WAC: variants seen among roughly 807,000 people sequenced by gnomAD.
WAC encodes the protein WW domain containing adaptor with coiled-coil, also known as WW domain-containing adapter protein with coiled-coil.
A neutral mutation model predicts 79.6 loss-of-function variants in WAC; 11 were observed. That is an observed-to-expected ratio of 0.14 (90% confidence interval 0.09 to 0.23). WAC has a LOEUF of 0.23. Among genes scored for constraint, WAC ranks in the 10% least tolerant of loss-of-function variants. The pLI, the probability that WAC is intolerant of heterozygous loss-of-function variation, is 1.00. For missense variants in WAC, 728 were observed against 773.5 expected (o/e 0.94, Z 0.70); for synonymous variants, 304 against 276.9 (o/e 1.10, Z -0.97).
intron 4 of WAC, 72 bp from the exon 5 acceptor site, chr10:28,589,664 T>G: frequency 1.0e-6 from 1 of 992,660 alleles, no homozygotes; most frequent in Non-Finnish European, 1.5e-6. Flanking sequence ...GTATGTGTGC[T>G]TTGATGTTGT....
chr10:28,540,446 A>G (rs746366654), intron 3 of WAC, among the ~76,000 whole-genome samples: 1 of 152,182 alleles, frequency 6.6e-6, no homozygotes, highest in Non-Finnish European at 1.5e-5. Flanking sequence ...AGTGGTTACA[A>G]CTTGCCAAAT....
intron 7 of WAC, among the ~76,000 whole-genome samples, chr10:28,599,087 A>AT (rs34344340): frequency 3.3e-5 from 5 of 151,952 alleles, no homozygotes; most frequent in Admixed American, 1.3e-4. Context: ...CATTTGACAT[A>AT]TTTTTTTTCT....
intron 6 of WAC, among the ~76,000 whole-genome samples, chr10:28,592,927 A>G (rs1840171349): frequency 1.3e-5 from 2 of 152,160 alleles, no homozygotes; most frequent in South Asian, 4.1e-4. Context: ...TGCAGTTGTT[A>G]TATTGATTGC....
chr10:28,575,268 T>C (rs1839183637), intron 3 of WAC, among the ~76,000 whole-genome samples: 1 of 152,202 alleles, frequency 6.6e-6, no homozygotes, highest in Admixed American at 6.5e-5. Flanking sequence ...TTTCCTCCCC[T>C]TCTAGTAGTC....
At chr10:28,593,538 C>T (rs113754983) in intron 6 of WAC, among the ~76,000 whole-genome samples, 2 of 151,878 alleles carry the variant, frequency 1.3e-5, no homozygotes, top group African/African-American at 2.4e-5. Context: ...GAGGCCGAGA[C>T]GGGTGGATCA....
intron 4 of WAC, among the ~76,000 whole-genome samples, chr10:28,585,953 T>C (rs550117146): frequency 1.3e-5 from 2 of 152,316 alleles, no homozygotes; most frequent in Admixed American, 1.3e-4. Context: ...GTCAGGGAAC[T>C]TAATTATGTG....
intron 3 of WAC, among the ~76,000 whole-genome samples, chr10:28,562,542 AGAT>A (rs1392383580): frequency 6.6e-6 from 1 of 152,164 alleles, no homozygotes; most frequent in Non-Finnish European, 1.5e-5. Context: ...TGCACATAGG[AGAT>A]GCTGAATGAT....
intron 6 of WAC, 127 bp downstream of exon 6, chr10:28,590,959 G>C: frequency 2.4e-6 from 2 of 831,102 alleles, no homozygotes. Flanking sequence ...ATTCTTTTAT[G>C]TTGGATTTAT....
At position 28,608,291 on chromosome 10, in the gene WAC, C is replaced by T. The variant is rs201670516; in HGVS notation, c.1025C>T (p.Ala342Val). The T allele has an allele frequency of 1.4e-5, 22 of 1,614,100 alleles. No homozygotes were observed. The highest frequency in any genetic ancestry group is 6.7e-5 in the East Asian group (3 of 44,898). The change falls in exon 8 of 14, where the codon GCG becomes GTG. Residue 342 changes from alanine (A) to valine (V), a missense_variant. Ala to Val is a moderately conservative substitution (Grantham distance 64). Coordinates refer to ENST00000354911, the MANE Select transcript of WAC (RefSeq NM_016628.5). ...TCTGCACCTCCAACATCTGCTTCAG[C>T]GGTCCCTGTTTCTCCTGTTCCACAG... is the stretch of plus-strand genomic sequence containing the variant. ...PTSAPPTSAS[A>V]VPVSPVPQSP...
chr10:28,538,098 C>G (rs1033923839), intron 3 of WAC, among the ~76,000 whole-genome samples: 1 of 152,066 alleles, frequency 6.6e-6, no homozygotes, highest in Non-Finnish European at 1.5e-5. Flanking sequence ...GAGAGTACAT[C>G]TTTGATATTC....
intron 3 of WAC, among the ~76,000 whole-genome samples, chr10:28,563,369 A>G (rs1215103396): frequency 6.6e-6 from 1 of 152,216 alleles, no homozygotes; most frequent in East Asian, 1.9e-4. Flanking sequence ...AGGAAAAACA[A>G]AAGAGTTAAT....
intron 3 of WAC, among the ~76,000 whole-genome samples, chr10:28,560,299 T>G (rs751664773): frequency 5.3e-5 from 8 of 151,800 alleles, no homozygotes; most frequent in Non-Finnish European, 1.2e-4. Context: ...GACTAGGAGG[T>G]CTAGCGAGCC....
At chr10:28,545,228 A>G (rs899828220) in intron 3 of WAC, among the ~76,000 whole-genome samples, 1 of 152,128 alleles carries the variant, frequency 6.6e-6, no homozygotes, top group Non-Finnish European at 1.5e-5. Flanking sequence ...ACAGTGGGTC[A>G]TGCACGTAAT....
intron 3 of WAC, among the ~76,000 whole-genome samples, chr10:28,547,915 C>CTTTTTTTTTTTTTTTTTTTTTTTTTTTT (rs11408560): frequency 7.6e-6 from 1 of 132,328 alleles, no homozygotes; most frequent in African/African-American, 2.8e-5. Context: ...TTCTCTTTTT[C>CTTTTTTTTTTTTTTTTTTTTTTTTTTTT]TTTTTTTTTT....
In WAC at chr10:28,566,628, G is replaced by A. The variant is rs140530695; in HGVS notation, c.275-16771G>A. Among the ~76,000 whole-genome samples the A allele has an allele frequency of 6.3e-3, 955 of 152,262 alleles. 4 individuals carry two copies. Among genetic ancestry groups the A allele is most frequent in the Non-Finnish European group, 0.011 (765 of 68,026 alleles). ...TACTCATGAATGACATCTTAGATTG[G>A]AAAATAATTTTCTGGGTCACATCCA... On this transcript the variant is annotated intron_variant, in intron 3 of 13. Transcript: ENST00000354911.
At chr10:28,601,499 C>T (rs1417207164) in intron 7 of WAC, among the ~76,000 whole-genome samples, 4 of 152,014 alleles carry the variant, frequency 2.6e-5, no homozygotes, top group South Asian at 2.1e-4. Flanking sequence ...GAATACAGTT[C>T]GGCAGTTCTT....
At chr10:28,565,071 G>A (rs1838525628) in intron 3 of WAC, among the ~76,000 whole-genome samples, 1 of 149,574 alleles carries the variant, frequency 6.7e-6, no homozygotes, top group Admixed American at 6.7e-5. Context: ...AATGTGTTAT[G>A]TATAAATGGT....
At position 28,619,954 on chromosome 10, in the gene WAC, CT is replaced by C. The variant is rs769678745; in HGVS notation, c.*354del. On this transcript the variant is annotated 3_prime_UTR_variant, in exon 14 of 14. Coordinates refer to ENST00000354911, the MANE Select transcript of WAC (RefSeq NM_016628.5). ...CATGTAAACCTGTCTGCAAAATTAG[CT>C]TTTTTAAAAAAAAAAAAAAAAAAAT... The C allele has an allele frequency of 6.8e-4, 95 of 139,558 alleles. No individual in the cohort carries two copies. Among genetic ancestry groups the C allele is most frequent in the African/African-American group, 1.8e-3 (68 of 36,862 alleles). 8.6% of individuals were successfully genotyped at this position (139,558 alleles called of 1,614,324 possible). A position where few individuals can be genotyped will look rare whatever the true frequency, so the allele number is the denominator to read the frequency against.
Position 28,613,820 on chromosome 10 carries a change from T to A in WAC, c.1438-747T>A, listed in dbSNP as rs1346035201. 2.0e-5 allele frequency among the ~76,000 whole-genome samples: 3 copies of A among 152,322 alleles called. 1 individual carries two copies. In the East Asian group the frequency reaches 5.8e-4, roughly 29 times the overall value. ...GCTTATATTTTAAACTGCTTTTCTC[T>A]ATGTGGCTTCTGAATATAATACATA... On this transcript the variant is annotated intron_variant, in intron 10 of 13. Coordinates refer to ENST00000354911, the MANE Select transcript of WAC (RefSeq NM_016628.5).
Sources: allele counts gnomAD v4.1 joint callset (sites outside exome capture counted in the v4.1 genomes callset), GRCh38; gene constraint gnomAD v4.1.1; transcripts MANE v1.5; gene names NCBI Gene and HGNC (gene_info 2026-07-23, HGNC 2026-07-21).